Variants in STPG2 observed in about 807,000 individuals in gnomAD.
The protein encoded by STPG2 is sperm-tail PG-rich repeat-containing protein 2.
A neutral mutation model predicts 54.2 loss-of-function variants in STPG2; 56 were observed. The observed-to-expected ratio is 1.03, with a 90% CI of 0.83 to 1.29. The LOEUF (loss-of-function observed/expected upper bound fraction) is 1.29. Among genes scored for constraint, STPG2 ranks in the 50% most tolerant of loss-of-function variants. The pLI is 0.00. For missense variants in STPG2, 596 were observed against 544.9 expected (o/e 1.09, Z -0.93); for synonymous variants, 200 against 181.8 (o/e 1.10, Z -0.81).
At chr4:97,844,248 AG>A (rs889640482) in intron 8 of STPG2, among the ~76,000 whole-genome samples, 5 of 152,120 alleles carry the variant, frequency 3.3e-5, no homozygotes, top group Admixed American at 3.3e-4. Context: ...AACAGCAACA[AG>A]TAAACCCCTC....
At chr4:98,015,281 T>C (rs1296972127) in intron 5 of STPG2, among the ~76,000 whole-genome samples, 1 of 151,982 alleles carries the variant, frequency 6.6e-6, no homozygotes, top group African/African-American at 2.4e-5. Flanking sequence ...GCCTACAGAA[T>C]GGGAGAAAAT....
rs1453301665 is a variant in STPG2, at chr4:97,922,721, T to C, written c.1044+21176A>G. Among the ~76,000 whole-genome samples, 7 of 152,194 alleles carry C rather than the reference T, an allele frequency of 4.6e-5. No homozygotes were observed. In the South Asian group the frequency reaches 1.0e-3, roughly 22 times the overall value. ...TGCAAACAGGAGATGCTAGACAGCA[T>C]ATGCAAGGTTAGGGGAAGAAGGGAT... is the stretch of plus-strand genomic sequence containing the variant. On this transcript the variant is annotated intron_variant, in intron 8 of 10. Coordinates refer to ENST00000295268, the MANE Select transcript of STPG2 (RefSeq NM_174952.3).
intron 7 of STPG2, among the ~76,000 whole-genome samples, chr4:97,970,745 C>T (rs1284767452): frequency 6.6e-6 from 1 of 152,164 alleles, no homozygotes. Context: ...AGGACATAGG[C>T]ATGGGCAAGG....
At chr4:97,847,640 C>T (rs1198111655) in intron 8 of STPG2, among the ~76,000 whole-genome samples, 1 of 152,148 alleles carries the variant, frequency 6.6e-6, no homozygotes, top group Non-Finnish European at 1.5e-5. Flanking sequence ...TAACATTATA[C>T]CAGTCATATT....
chr4:97,510,166 G>A (rs950814528), intron 4 of STPG2, among the ~76,000 whole-genome samples: 2 of 152,084 alleles, frequency 1.3e-5, no homozygotes, highest in African/African-American at 4.8e-5. Flanking sequence ...AGAGAATTTA[G>A]AATCTGTGTT....
intron 5 of STPG2, among the ~76,000 whole-genome samples, chr4:98,004,529 G>A (rs1315220031): frequency 6.6e-6 from 1 of 152,038 alleles, no homozygotes; most frequent in Non-Finnish European, 1.5e-5. Flanking sequence ...CAGATCATAT[G>A]GTAGTTCGAT....
intron 5 of STPG2, among the ~76,000 whole-genome samples, chr4:98,015,763 T>G (rs1358412152): frequency 6.6e-6 from 1 of 152,130 alleles, no homozygotes. Flanking sequence ...CACACATATG[T>G]TTATTGCGGC....
intron 5 of STPG2, among the ~76,000 whole-genome samples, chr4:98,070,001 T>G (rs1191083524): frequency 1.3e-5 from 2 of 151,860 alleles, no homozygotes; most frequent in Non-Finnish European, 2.9e-5. Flanking sequence ...ATTCCAAAAA[T>G]TGAAAAGGAG....
intron 9 of STPG2, among the ~76,000 whole-genome samples, chr4:97,740,366 A>T (rs1475491375): frequency 6.6e-6 from 1 of 151,966 alleles, no homozygotes; most frequent in Non-Finnish European, 1.5e-5. Context: ...CTGGCCAGGG[A>T]ATTAGGCAGG....
chr4:97,444,422 C>G (rs1299824003), intron 4 of STPG2, among the ~76,000 whole-genome samples: 1 of 152,052 alleles, frequency 6.6e-6, no homozygotes, highest in Non-Finnish European at 1.5e-5. Flanking sequence ...AAAGACATTA[C>G]CTTCAAAGGA....
rs186487327 is a variant in STPG2, at chr4:97,668,154, A to G, written c.1320+44545T>C. Among the ~76,000 whole-genome samples the G allele has an allele frequency of 2.8e-3, 423 of 152,312 alleles. 3 individuals carry two copies. The highest frequency in any genetic ancestry group is 9.3e-3 in the African/African-American group (387 of 41,572). On this transcript the variant is annotated intron_variant, in intron 10 of 10. Coordinates refer to ENST00000295268, the MANE Select transcript of STPG2 (RefSeq NM_174952.3). ...TATATAATGAGTATTTAAGGACTGC[A>G]CTTAAGAATAAGAAGAGTGTCAGGT...
intron 4 of STPG2, among the ~76,000 whole-genome samples, chr4:97,445,003 C>T (rs1412496031): frequency 6.6e-6 from 1 of 152,150 alleles, no homozygotes; most frequent in Non-Finnish European, 1.5e-5. Context: ...TGCCACTGCA[C>T]TCCAGCCTGG....
At chr4:97,527,511 C>A (rs975953999) in intron 4 of STPG2, among the ~76,000 whole-genome samples, 1 of 151,962 alleles carries the variant, frequency 6.6e-6, no homozygotes, top group African/African-American at 2.4e-5. Context: ...GATTATATAC[C>A]CAGTAATGGG....
At chr4:98,031,795 G>C (rs1736608766) in intron 5 of STPG2, among the ~76,000 whole-genome samples, 1 of 152,184 alleles carries the variant, frequency 6.6e-6, no homozygotes, top group Non-Finnish European at 1.5e-5. Context: ...GAGAGTGGGA[G>C]AAAATCTTCA....
intron 5 of STPG2, among the ~76,000 whole-genome samples, chr4:98,057,869 C>T (rs1461739897): frequency 1.3e-5 from 2 of 152,150 alleles, no homozygotes; most frequent in Non-Finnish European, 2.9e-5. Flanking sequence ...AGGTGAAACT[C>T]TAAAATCCAT....
chr4:97,850,858 G>C (rs1729137627), intron 8 of STPG2, among the ~76,000 whole-genome samples: 1 of 152,108 alleles, frequency 6.6e-6, no homozygotes, highest in African/African-American at 2.4e-5. Context: ...TAGCAAGAAA[G>C]AAAGAATGAA....
At chr4:97,763,150 CAT>C (rs1190922889) in intron 9 of STPG2, among the ~76,000 whole-genome samples, 1 of 152,102 alleles carries the variant, frequency 6.6e-6, no homozygotes, top group Non-Finnish European at 1.5e-5. Flanking sequence ...ATGTAGCTAA[CAT>C]ATAATTACCT....
At chr4:98,141,996 T>A (rs1479530473) in intron 1 of STPG2, among the ~76,000 whole-genome samples, 1 of 145,640 alleles carries the variant, frequency 6.9e-6, no homozygotes, top group Non-Finnish European at 1.5e-5. Flanking sequence ...TGGAAAGAAG[T>A]GTTTCCAAGA....
intron 5 of STPG2, among the ~76,000 whole-genome samples, chr4:98,003,191 A>G (rs767540052): frequency 7.2e-5 from 11 of 152,212 alleles, no homozygotes; most frequent in Non-Finnish European, 1.0e-4. Context: ...TGCTGGCTCA[A>G]AGACTACTGT....
Sources: allele counts gnomAD v4.1 joint callset (sites outside exome capture counted in the v4.1 genomes callset), GRCh38; gene constraint gnomAD v4.1.1; transcripts MANE v1.5; gene names NCBI Gene and HGNC (gene_info 2026-07-23, HGNC 2026-07-21).